The following UNC80 variants were observed in gnomAD, a reference collection of about 807,000 sequenced individuals.
UNC80 encodes protein unc-80 homolog.
In UNC80, 164 loss-of-function variants were observed where a neutral mutation model predicts 384.6. The ratio of observed to expected loss-of-function variants is 0.43; its 90% CI spans 0.38 to 0.49. The LOEUF is 0.49. Ranked by LOEUF, UNC80 falls within the 20% of genes least tolerant of loss-of-function variation. The pLI, the probability that UNC80 is intolerant of heterozygous loss-of-function variation, is 0.00. For missense variants in UNC80, 3,330 were observed against 4,143.0 expected, an observed-to-expected ratio of 0.80 and a Z score of 5.39; for synonymous variants, 1,486 against 1,527.8, an observed-to-expected ratio of 0.97 and a Z score of 0.64.
At chr2:209,955,370 C>A (rs1489567745) in intron 48 of UNC80, among the ~76,000 whole-genome samples, 3 of 151,992 alleles carry the variant, frequency 2.0e-5, no homozygotes, top group Non-Finnish European at 4.4e-5. Context: ...AGTTTCTAAT[C>A]ATGAGCTACA....
intron 29 of UNC80, among the ~76,000 whole-genome samples, chr2:209,906,705 A>G (rs542804145): frequency 5.1e-4 from 77 of 152,306 alleles, no homozygotes; most frequent in African/African-American, 1.8e-3. Context: ...CAAATAAACT[A>G]CTAAATAATG....
At chr2:209,909,466 A>G (rs896512427) in intron 29 of UNC80, among the ~76,000 whole-genome samples, 8 of 152,194 alleles carry the variant, frequency 5.3e-5, no homozygotes, top group African/African-American at 1.9e-4. Context: ...CATCATCTCC[A>G]TCTGCACAGA....
At chr2:209,896,870 C>A (rs144774192) in intron 28 of UNC80, among the ~76,000 whole-genome samples, 184 of 152,204 alleles carry the variant, frequency 1.2e-3, no homozygotes, top group African/African-American at 4.2e-3. Flanking sequence ...CCAGAGGGCA[C>A]AGGCAGGAGG....
Position 209,945,174 on chromosome 2 carries a change from C to A in UNC80, c.7174C>A (p.Pro2392Thr). The A allele has an allele frequency of 6.5e-7, 1 of 1,548,800 alleles. No homozygotes were observed. Among genetic ancestry groups the A allele is most frequent in the Non-Finnish European group, 8.7e-7 (1 of 1,146,072 alleles). The change falls in exon 46 of 65, where the codon CCT becomes ACT. Residue 2392 changes from proline to threonine, a missense_variant. Pro to Thr is a conservative substitution (Grantham distance 38). Around this residue, in one of 8 missense-constraint regions of UNC80, gnomAD observed 1,049 missense variants for 1,488.6 expected, o/e 0.70. Coordinates refer to ENST00000673920, the MANE Select transcript of UNC80 (RefSeq NM_001371986.1). ...DILELVKAEK[P>T]LKSLDFCYGN... is the part of the protein sequence containing the mutation. ...CTTAGAGCTGGTCAAAGCTGAGAAG[C>A]CTCTCAAGTCATTAGGTAAAAGCAA...
chr2:209,801,891 G>A (rs1318568618), intron 7 of UNC80, among the ~76,000 whole-genome samples: 1 of 151,976 alleles, frequency 6.6e-6, no homozygotes, highest in East Asian at 1.9e-4. Flanking sequence ...AAAATAATAT[G>A]TAAATAATGT....
intron 29 of UNC80, among the ~76,000 whole-genome samples, chr2:209,907,832 G>A (rs2088438485): frequency 6.6e-6 from 1 of 152,248 alleles, no homozygotes; most frequent in Admixed American, 6.5e-5. Context: ...AGTGAGTAGA[G>A]CTGTAGTCCT....
At chr2:209,887,968 G>A (rs2085980450) in intron 25 of UNC80, 127 bp from the exon 26 acceptor site, 2 of 725,298 alleles carry the variant, frequency 2.8e-6, no homozygotes, top group South Asian at 2.8e-5. Context: ...TAAAATTAGC[G>A]TCAGATAAAG....
rs1276756067 is a variant in UNC80 at position 209,994,091 on chromosome 2, A to T, written c.9535A>T (p.Ile3179Phe). ...SADQKRSVTF[I>F]EAQPEPAAAP... ...GGATCAGAAACGATCTGTGACCTTC[A>T]TTGAGGCTCAGCCAGAGCCAGCAGC... Residue 3179 changes from isoleucine (I) to phenylalanine (F), a missense_variant, in exon 64 of 65, where the codon ATT becomes TTT. Around this residue, in one of 8 missense-constraint regions of UNC80, gnomAD observed 236 missense variants for 254.9 expected, o/e 0.93. Transcript: ENST00000673920. The T allele has an allele frequency of 6.4e-7, 1 of 1,551,418 alleles. No homozygotes were observed. The highest frequency in any genetic ancestry group is 8.7e-7 in the Non-Finnish European group (1 of 1,146,804).
chr2:209,959,708 G>GTACT lies in UNC80; in HGVS notation c.7805+2_7805+5dup, dbSNP rs2092530329. 12 of 1,550,740 alleles carry GTACT rather than the reference G, an allele frequency of 7.7e-6. No individual in the cohort carries two copies. The East Asian group carries it at 2.9e-4, about 38-fold the overall frequency. ...TGCTGGATGTGAAGTCTCACATGAGGTACTGGCCTCGCTTTCCCTGCCCCA... is the reference window on the plus strand; with the variant it reads ...TGCTGGATGTGAAGTCTCACATGAGGTACTTACTGGCCTCGCTTTCCCTGCCCCA... On this transcript the variant is annotated splice_donor_variant, in intron 51 of 64. Transcript: ENST00000673920. LOFTEE classifies it high-confidence loss of function.
chr2:209,799,682 C>T (rs2078411166), intron 7 of UNC80, among the ~76,000 whole-genome samples: 1 of 152,100 alleles, frequency 6.6e-6, no homozygotes, highest in Non-Finnish European at 1.5e-5. Flanking sequence ...AGCTTTTGCC[C>T]ATTCAATAGG....
chr2:209,813,303 T>G (rs1372121438), intron 7 of UNC80, among the ~76,000 whole-genome samples: 1 of 152,196 alleles, frequency 6.6e-6, no homozygotes, highest in African/African-American at 2.4e-5. Flanking sequence ...TTGTTCCCTC[T>G]GACAGAAATG....
At chr2:209,881,164 AT>A in intron 25 of UNC80, 70 bp downstream of exon 25, 2 of 1,483,136 alleles carry the variant, frequency 1.3e-6, no homozygotes, top group Non-Finnish European at 1.8e-6. Flanking sequence ...GGTTTCCAAG[AT>A]TCACAGTTTT....
chr2:209,857,805 A>C (rs1426403213), intron 22 of UNC80, among the ~76,000 whole-genome samples: 1 of 151,930 alleles, frequency 6.6e-6, no homozygotes, highest in African/African-American at 2.4e-5. Flanking sequence ...TTCCTTTTTG[A>C]CTCATAGGTA....
chr2:209,859,049 C>A (rs1469741468), intron 22 of UNC80, among the ~76,000 whole-genome samples: 1 of 152,108 alleles, frequency 6.6e-6, no homozygotes, highest in Non-Finnish European at 1.5e-5. Flanking sequence ...AGTCTAAAAT[C>A]AATGAATTTC....
rs192387187 is a variant in UNC80, at chr2:209,787,051, A to G, written c.724+862A>G. Among the ~76,000 whole-genome samples the G allele has an allele frequency of 4.9e-3, 648 of 131,726 alleles. 7 individuals carry two copies. Among genetic ancestry groups the G allele is most frequent in the African/African-American group, 0.02 (620 of 30,588 alleles). The allele number at this position is 131,726 out of a possible 152,430, so 86.4% of individuals were successfully genotyped here. A position where few individuals can be genotyped will look rare whatever the true frequency, so the allele number is the denominator to read the frequency against. ...TATTTTTAAAATACACCACACACAT[A>G]TATATAATTTGCTTAATTCATAAGG... On this transcript the variant is annotated intron_variant, in intron 5 of 64. Coordinates refer to ENST00000673920, the MANE Select transcript of UNC80 (RefSeq NM_001371986.1).
rs1417739436 is a variant in UNC80 at position 209,839,518 on chromosome 2, A to G, written c.3250+88A>G. The G allele has an allele frequency of 7.3e-7, 1 of 1,363,406 alleles. No individual in the cohort carries two copies. Among genetic ancestry groups the G allele is most frequent in the East Asian group, 2.5e-5 (1 of 39,934 alleles). 84.5% of individuals were successfully genotyped at this position (1,363,406 alleles called of 1,614,324 possible). A position where few individuals can be genotyped will look rare whatever the true frequency, so the allele number is the denominator to read the frequency against. On this transcript the variant is annotated intron_variant, in intron 19 of 64. Transcript: ENST00000673920. The surrounding 1 kb of genome is among the most constrained non-coding windows in gnomAD (Gnocchi z 4.1). ...TCAGTGATGCATAGTAGGGCCGAAA[A>G]AGAAGACCTTCAAGTCATAAGACCT...
rs1445052560 is a variant in UNC80, at chr2:209,995,782, G to T, written c.*187G>T. Reference sequence around the variant, plus strand: ...TTTCATAAACATCTTAAAAGTCAATGGCTAAAAGGATTTAGTTGTGTGAAA... The same window carrying T: ...TTTCATAAACATCTTAAAAGTCAATTGCTAAAAGGATTTAGTTGTGTGAAA... On this transcript the variant is annotated 3_prime_UTR_variant, in exon 65 of 65. Coordinates refer to ENST00000673920, the MANE Select transcript of UNC80 (RefSeq NM_001371986.1). The T allele has an allele frequency of 1.5e-5, 10 of 649,058 alleles. No homozygotes were observed. Among genetic ancestry groups the T allele is most frequent in the Non-Finnish European group, 1.8e-5 (7 of 396,312 alleles). The allele number at this position is 649,058 out of a possible 1,614,324, so 40.2% of individuals were successfully genotyped here.
At chr2:209,810,180 A>G (rs1469632498) in intron 7 of UNC80, among the ~76,000 whole-genome samples, 1 of 152,038 alleles carries the variant, frequency 6.6e-6, no homozygotes, top group Non-Finnish European at 1.5e-5. Context: ...AGGCAATTTA[A>G]CAATGTCTCA....
chr2:209,959,843 T>A, intron 51 of UNC80, 136 bp downstream of exon 51: 1 of 758,486 alleles, frequency 1.3e-6, no homozygotes, highest in Non-Finnish European at 2.1e-6. Context: ...GTGACTTAGG[T>A]ACACATCATA....
Sources: gnomAD v4.1 joint callset for allele counts (sites outside exome capture counted in the v4.1 genomes callset) on GRCh38, gnomAD v4.1.1 for gene constraint, gnomAD v4.1.1 regional missense constraint, Gnocchi (gnomAD v3.1) non-coding constraint, MANE v1.5 for transcripts, NCBI Gene and HGNC (gene_info 2026-07-23, HGNC 2026-07-21) for gene names.